The following FMN2 variants were observed in gnomAD, a reference collection of about 807,000 sequenced individuals.
FMN2 encodes formin 2, also known as formin-2.
In FMN2, 51 loss-of-function variants were observed where a neutral mutation model predicts 142.3. The observed-to-expected ratio is 0.36, with a 90% CI of 0.29 to 0.45. The LOEUF (loss-of-function observed/expected upper bound fraction) is 0.45. Among genes scored for constraint, FMN2 ranks in the 20% least tolerant of loss-of-function variants. FMN2 has a pLI of 1.00. For missense variants in FMN2, 1,936 were observed against 2,122.8 expected, an observed-to-expected ratio of 0.91 and a Z score of 1.73; for synonymous variants, 882 against 869.8, an observed-to-expected ratio of 1.01 and a Z score of -0.25.
Position 240,267,632 on chromosome 1 carries a change from T to TA in FMN2, c.4153+9616dup, listed in dbSNP as rs60539167. On this transcript the variant is annotated intron_variant, in intron 7 of 17. Coordinates refer to ENST00000319653, the MANE Select transcript of FMN2 (RefSeq NM_020066.5). The stretch of plus-strand genomic sequence containing the variant: ...AAACCTGCACTTGTACCCCTGAACT[T>TA]AAAAAAAAAAAAAAAAGAGACCTGC... 3.7e-3 allele frequency among the ~76,000 whole-genome samples: 522 copies of TA among 140,614 alleles called. 3 individuals are homozygous for TA. Among genetic ancestry groups the TA allele is most frequent in the African/African-American group, 1.0e-2 (384 of 38,592 alleles). The allele number at this position is 140,614 out of a possible 152,430, so 92.2% of individuals were successfully genotyped here. A position where few individuals can be genotyped will look rare whatever the true frequency, so the allele number is the denominator to read the frequency against.
intron 7 of FMN2, among the ~76,000 whole-genome samples, chr1:240,292,850 T>A (rs1669841933): frequency 6.6e-6 from 1 of 152,164 alleles, no homozygotes; most frequent in Admixed American, 6.6e-5. Flanking sequence ...TATTTAATCT[T>A]TCTTTCTTTT....
intron 13 of FMN2, among the ~76,000 whole-genome samples, chr1:240,349,888 T>C (rs1373145186): frequency 2.0e-5 from 3 of 152,188 alleles, no homozygotes; most frequent in Non-Finnish European, 4.4e-5. Flanking sequence ...AGGAACTCTA[T>C]CTTTGTTCTG....
At chr1:240,267,852 G>A (rs953780963) in intron 7 of FMN2, among the ~76,000 whole-genome samples, 3 of 151,840 alleles carry the variant, frequency 2.0e-5, no homozygotes, top group Admixed American at 6.6e-5. Flanking sequence ...TGGGTAAAAG[G>A]TGTGAACACA....
chr1:240,313,581 A>G (rs980813620), intron 8 of FMN2, among the ~76,000 whole-genome samples: 24 of 152,176 alleles, frequency 1.6e-4, no homozygotes, highest in African/African-American at 5.8e-4. Context: ...AGTTTTTCTT[A>G]GATACTGCAG....
At chr1:240,249,491 AT>A (rs1336443925) in intron 6 of FMN2, among the ~76,000 whole-genome samples, 5 of 151,900 alleles carry the variant, frequency 3.3e-5, no homozygotes. Context: ...TACAGTTTTG[AT>A]TACTATAACC....
intron 2 of FMN2, among the ~76,000 whole-genome samples, chr1:240,124,171 A>G (rs1461902012): frequency 1.3e-5 from 2 of 152,288 alleles, no homozygotes; most frequent in East Asian, 3.9e-4. Flanking sequence ...TGAGGTACAA[A>G]TACCTCTTCA....
chr1:240,208,746 G>C lies in FMN2; in HGVS notation c.3920+14G>C. 1 of 1,597,644 alleles carries C rather than the reference G, an allele frequency of 6.3e-7. No homozygotes were observed. The highest frequency in any genetic ancestry group is 8.6e-7 in the Non-Finnish European group (1 of 1,168,272). On this transcript the variant is annotated intron_variant, in intron 5 of 17. Transcript: ENST00000319653. ...ACATAGTAAAAGGTAACATGAAAGT[G>C]AGCTCGTCTTTGCACAGTGTGTGTC...
At chr1:240,140,669 G>A (rs1663144443) in intron 2 of FMN2, among the ~76,000 whole-genome samples, 1 of 151,482 alleles carries the variant, frequency 6.6e-6, no homozygotes, top group African/African-American at 2.4e-5. Context: ...TCTGTGGGGG[G>A]TGGGTGGGAA....
intron 13 of FMN2, among the ~76,000 whole-genome samples, chr1:240,340,290 C>G (rs1475151682): frequency 6.6e-6 from 1 of 152,014 alleles, no homozygotes; most frequent in Non-Finnish European, 1.5e-5. Context: ...GTGTTAAACT[C>G]TTAGTCCGGG....
intron 8 of FMN2, among the ~76,000 whole-genome samples, chr1:240,310,116 T>C (rs1048502820): frequency 1.3e-5 from 2 of 152,206 alleles, no homozygotes; most frequent in Non-Finnish European, 2.9e-5. Flanking sequence ...CATTTGAGGG[T>C]ACATGTGAAT....
At chr1:240,344,070 A>G (rs1251183968) in intron 13 of FMN2, among the ~76,000 whole-genome samples, 1 of 152,236 alleles carries the variant, frequency 6.6e-6, no homozygotes, top group Admixed American at 6.5e-5. Flanking sequence ...TCTAAATGCA[A>G]TATCCAGCCA....
intron 8 of FMN2, among the ~76,000 whole-genome samples, chr1:240,318,409 T>C (rs1670860483): frequency 6.6e-6 from 1 of 152,138 alleles, no homozygotes; most frequent in African/African-American, 2.4e-5. Context: ...TTTCTTTTTC[T>C]TTTTCTTTTT....
intron 15 of FMN2, among the ~76,000 whole-genome samples, chr1:240,395,867 G>A (rs915759712): frequency 5.3e-5 from 8 of 152,148 alleles, no homozygotes; most frequent in African/African-American, 1.9e-4. Context: ...GCAGCAGCAG[G>A]GTTTGAGAGG....
intron 14 of FMN2, among the ~76,000 whole-genome samples, chr1:240,361,953 G>T (rs1672500502): frequency 6.6e-6 from 1 of 152,210 alleles, no homozygotes; most frequent in South Asian, 2.1e-4. Context: ...GCCAGAATTG[G>T]GAAGAGTTTC....
At chr1:240,274,203 A>G (rs1462095370) in intron 7 of FMN2, among the ~76,000 whole-genome samples, 2 of 150,336 alleles carry the variant, frequency 1.3e-5, no homozygotes, top group Non-Finnish European at 3.0e-5. Flanking sequence ...CAATTTTAAT[A>G]TGTACCATGG....
At chr1:240,111,594 C>T (rs1661809156) in intron 1 of FMN2, among the ~76,000 whole-genome samples, 1 of 152,090 alleles carries the variant, frequency 6.6e-6, no homozygotes, top group South Asian at 2.1e-4. Context: ...ACTCTGGTCA[C>T]CGTCTTGGTT....
Position 240,207,602 on chromosome 1 carries a change from C to T in FMN2, c.2790C>T (p.Gly930=). Residue 930 remains glycine, a synonymous_variant, in exon 5 of 18, where the codon GGC becomes GGT. Coordinates refer to ENST00000319653, the MANE Select transcript of FMN2 (RefSeq NM_020066.5). ...CTCCGCCGCCTCTACCCGGAGCAGG[C>T]ATACTCCCTCTGCCCCCTCTACCCG... ...IPPPPPLPGA[G]ILPLPPLPGA... is the part of the protein sequence containing the mutation. 1.3e-6 allele frequency: 2 copies of T among 1,584,152 alleles called. No individual in the cohort carries two copies. Among genetic ancestry groups the T allele is most frequent in the Non-Finnish European group, 1.7e-6 (2 of 1,164,508 alleles).
chr1:240,323,124 T>TTTCC (rs34266580), intron 8 of FMN2, among the ~76,000 whole-genome samples: 43,807 of 149,872 alleles, frequency 0.29, 6,457 homozygotes, highest in South Asian at 0.33. Context: ...TTTCTTTTTC[T>TTTCC]TTCCTTCCTT....
At chr1:240,240,811 A>G (rs915953955) in intron 6 of FMN2, among the ~76,000 whole-genome samples, 5 of 152,336 alleles carry the variant, frequency 3.3e-5, no homozygotes, top group African/African-American at 1.2e-4. Flanking sequence ...ATGCAACCAG[A>G]TAGGTGAAAC....
Sources: allele counts gnomAD v4.1 joint callset (sites outside exome capture counted in the v4.1 genomes callset), GRCh38; gene constraint gnomAD v4.1.1; transcripts MANE v1.5; gene names NCBI Gene and HGNC (gene_info 2026-07-23, HGNC 2026-07-21).